Variants in SLC24A4 observed in about 807,000 individuals in gnomAD.
The protein encoded by SLC24A4 is solute carrier family 24 member 4, also known as sodium/potassium/calcium exchanger 4.
SLC24A4 carries 53 observed loss-of-function variants against 79.0 expected under a neutral mutation model. The ratio of observed to expected loss-of-function variants is 0.67; its 90% confidence interval spans 0.54 to 0.84. The LOEUF (loss-of-function observed/expected upper bound fraction) is 0.84, where lower values mean the gene tolerates loss of function less well. Ranked by LOEUF, SLC24A4 falls within the 40% of genes least tolerant of loss-of-function variation. The pLI is 0.00. For missense variants in SLC24A4, 731 were observed against 822.0 expected, an observed-to-expected ratio of 0.89 and a Z score of 1.35; for synonymous variants, 323 against 323.8, an observed-to-expected ratio of 1.00 and a Z score of 0.03.
chr14:92,378,531 T>C (rs1888648692), intron 2 of SLC24A4, among the ~76,000 whole-genome samples: 1 of 152,224 alleles, frequency 6.6e-6, no homozygotes, highest in South Asian at 2.1e-4. Flanking sequence ...TAACATCTTC[T>C]CCACCTCCGT....
Position 92,442,445 on chromosome 14 carries a change from G to A in SLC24A4, c.479-268G>A, listed in dbSNP as rs189545477. 1.4e-4 allele frequency among the ~76,000 whole-genome samples: 22 copies of A among 152,328 alleles called. No individual in the cohort carries two copies. In the East Asian group the frequency reaches 3.1e-3, roughly 21 times the overall value. Reference sequence around the variant, plus strand: ...ATTCTGTGAATATACTAAAACCACCGAATTGTATATTTAAATGGGTAAATT... The same window carrying A: ...ATTCTGTGAATATACTAAAACCACCAAATTGTATATTTAAATGGGTAAATT... On this transcript the variant is annotated intron_variant, in intron 5 of 16. Transcript: ENST00000532405.
intron 3 of SLC24A4, among the ~76,000 whole-genome samples, chr14:92,435,799 T>C (rs1892130885): frequency 6.6e-6 from 1 of 152,218 alleles, no homozygotes; most frequent in African/African-American, 2.4e-5. Flanking sequence ...CAGACCTGTT[T>C]ATTATTTCTA....
chr14:92,430,742 G>A (rs1465269869), intron 2 of SLC24A4, among the ~76,000 whole-genome samples: 5 of 152,188 alleles, frequency 3.3e-5, no homozygotes, highest in African/African-American at 1.2e-4. Context: ...CCCAGGGCAG[G>A]GGTGGGGGCT....
At chr14:92,475,296 A>G (rs1182745610) in intron 12 of SLC24A4, among the ~76,000 whole-genome samples, 1 of 152,204 alleles carries the variant, frequency 6.6e-6, no homozygotes, top group Non-Finnish European at 1.5e-5. Context: ...TTAGGTAACA[A>G]GGCAGTAAAC....
intron 2 of SLC24A4, among the ~76,000 whole-genome samples, chr14:92,417,588 C>T (rs1409104449): frequency 1.3e-5 from 2 of 152,204 alleles, no homozygotes; most frequent in Non-Finnish European, 2.9e-5. Context: ...CAGTAACATC[C>T]TGGGCCTTCC....
intron 2 of SLC24A4, among the ~76,000 whole-genome samples, chr14:92,338,144 T>G (rs184648478): frequency 1.3e-5 from 2 of 152,250 alleles, no homozygotes; most frequent in African/African-American, 4.8e-5. Context: ...ATAAAGTCCT[T>G]TCTGTTAGTG....
intron 2 of SLC24A4, among the ~76,000 whole-genome samples, chr14:92,400,230 G>A (rs544658760): frequency 4.6e-5 from 7 of 152,266 alleles, no homozygotes; most frequent in Admixed American, 1.3e-4. Context: ...CACGAGGTCA[G>A]GAGATCGAGA....
Position 92,456,466 on chromosome 14 carries a change from C to T in SLC24A4, c.1113C>T (p.His371=), listed in dbSNP as rs145503578. The T allele has an allele frequency of 4.3e-4, 689 of 1,614,082 alleles. 1 individual carries two copies. Among genetic ancestry groups the T allele is most frequent in the Non-Finnish European group, 5.5e-4 (653 of 1,180,050 alleles). The change falls in exon 12 of 17, where the codon CAC becomes CAT. Residue 371 remains histidine, a synonymous_variant. Transcript: ENST00000532405. ...VSSKPLQNGR[H]ENIENGNVPV... The stretch of plus-strand genomic sequence containing the variant: ...GTAAGCCGCTTCAAAACGGGAGGCA[C>T]GAGAACATTGAGAACGGGAATGTTC...
chr14:92,335,237 G>A (rs1329615624), intron 2 of SLC24A4, among the ~76,000 whole-genome samples: 2 of 152,126 alleles, frequency 1.3e-5, no homozygotes, highest in African/African-American at 4.8e-5. Context: ...GTATTAGTGG[G>A]TGTATTTGTT....
chr14:92,388,115 C>T (rs1255179405), intron 2 of SLC24A4, among the ~76,000 whole-genome samples: 3 of 152,116 alleles, frequency 2.0e-5, no homozygotes, highest in Non-Finnish European at 4.4e-5. Context: ...TTTGTGGAAC[C>T]TCCATACTGT....
chr14:92,440,410 C>G (rs908389571), intron 4 of SLC24A4, among the ~76,000 whole-genome samples: 1 of 152,090 alleles, frequency 6.6e-6, no homozygotes, highest in East Asian at 1.9e-4. Context: ...GTGGAGTGTG[C>G]GCTGCAGCGA....
intron 10 of SLC24A4, 95 bp from the exon 11 acceptor site, chr14:92,453,805 A>G: frequency 7.2e-7 from 1 of 1,384,454 alleles, no homozygotes; most frequent in Non-Finnish European, 9.7e-7. Context: ...ACCACAGCCT[A>G]GGGCAGCTCA....
intron 2 of SLC24A4, among the ~76,000 whole-genome samples, chr14:92,351,236 GCACA>G (rs1555360939): frequency 6.8e-6 from 1 of 147,062 alleles, no homozygotes; most frequent in Non-Finnish European, 1.5e-5. Flanking sequence ...ACACATACAC[GCACA>G]CACACACACA....
In SLC24A4 at chr14:92,482,688, G is replaced by C; in HGVS notation, c.1264G>C (p.Gly422Arg). 5 of 1,612,754 alleles carry C rather than the reference G, an allele frequency of 3.1e-6. No individual in the cohort carries two copies. The South Asian group carries it at 3.3e-5, about 11-fold the overall frequency. The change falls in exon 13 of 17, where the codon GGG becomes CGG. Residue 422 changes from glycine to arginine, a missense_variant. Coordinates refer to ENST00000532405, the MANE Select transcript of SLC24A4 (RefSeq NM_153646.4). ...GCCCCTTCACCCTGCAGAGGCCAGAGGGGACAAGGTCAAGTGGGTGTTCAC... is the reference window on the plus strand; with the variant it reads ...GCCCCTTCACCCTGCAGAGGCCAGACGGGACAAGGTCAAGTGGGTGTTCAC... ...LSPFSVPEAR[G>R]DKVKWVFTWP...
chr14:92,465,359 C>T (rs538015662), intron 12 of SLC24A4, among the ~76,000 whole-genome samples: 12 of 152,318 alleles, frequency 7.9e-5, no homozygotes, highest in Non-Finnish European at 1.2e-4. Flanking sequence ...CTTGAGATCC[C>T]TGCGGTGAGA....
rs1438005981 is a variant in SLC24A4 at position 92,496,958 on chromosome 14, A to T, written c.*3330A>T. The T allele has an allele frequency of 6.6e-6, 1 of 152,030 alleles. No individual in the cohort carries two copies. The highest frequency in any genetic ancestry group is 2.1e-4 in the South Asian group (1 of 4,812). 9.4% of individuals were successfully genotyped at this position (152,030 alleles called of 1,614,324 possible). ...GAGGATTACAGGCGTGCGCCACCACACCCAGCTAATTTTTGTATTTTTAGT... is the reference window on the plus strand; with the variant it reads ...GAGGATTACAGGCGTGCGCCACCACTCCCAGCTAATTTTTGTATTTTTAGT... On this transcript the variant is annotated 3_prime_UTR_variant, in exon 17 of 17. Transcript: ENST00000532405.
Position 92,401,122 on chromosome 14 carries a change from C to T in SLC24A4, c.242-32790C>T, listed in dbSNP as rs573908062. Reference sequence around the variant, plus strand: ...ACACAATAAAGAGAAAAGACTACAGCTCATCCCCCTGTCTCATAAGGAAGA... The same window carrying T: ...ACACAATAAAGAGAAAAGACTACAGTTCATCCCCCTGTCTCATAAGGAAGA... On this transcript the variant is annotated intron_variant, in intron 2 of 16. Coordinates refer to ENST00000532405, the MANE Select transcript of SLC24A4 (RefSeq NM_153646.4). Among the ~76,000 whole-genome samples the T allele has an allele frequency of 4.7e-4, 71 of 152,292 alleles. No homozygotes were observed. In the South Asian group the frequency reaches 7.3e-3, roughly 16 times the overall value.
At chr14:92,456,708 G>T in intron 12 of SLC24A4, 100 bp downstream of exon 12, 1 of 1,230,788 alleles carries the variant, frequency 8.1e-7, no homozygotes, top group Non-Finnish European at 1.1e-6. Flanking sequence ...TGTAAGGGCG[G>T]CAGAGGGCTG....
At chr14:92,488,266 T>G (rs1393082250) in intron 14 of SLC24A4, among the ~76,000 whole-genome samples, 1 of 152,046 alleles carries the variant, frequency 6.6e-6, no homozygotes, top group Non-Finnish European at 1.5e-5. Context: ...GAGACAAGGT[T>G]TCACCATGTT....
Sources: allele counts gnomAD v4.1 joint callset (sites outside exome capture counted in the v4.1 genomes callset), GRCh38; gene constraint gnomAD v4.1.1; transcripts MANE v1.5; gene names NCBI Gene and HGNC (gene_info 2026-07-23, HGNC 2026-07-21).